NDUFB9: variants seen among roughly 807,000 people sequenced by gnomAD.
NDUFB9 encodes NADH:ubiquinone oxidoreductase subunit B9, also known as NADH dehydrogenase [ubiquinone] 1 beta subcomplex subunit 9.
A neutral mutation model predicts 30.2 loss-of-function variants in NDUFB9; 24 were observed. The ratio of observed to expected loss-of-function variants is 0.80; its 90% CI spans 0.58 to 1.12. NDUFB9 has a LOEUF of 1.12. Ranked by LOEUF, NDUFB9 falls within the 50% of genes most tolerant of loss-of-function variation. The pLI, the probability that NDUFB9 is intolerant of heterozygous loss-of-function variation, is 0.00. For synonymous variants in NDUFB9, 80 were observed against 84.0 expected, an observed-to-expected ratio of 0.95 and a Z score of 0.26; for missense variants, 204 against 226.0, an observed-to-expected ratio of 0.90 and a Z score of 0.62.
chr8:124,549,210 A>T (rs1010363958), intron 3 of NDUFB9, among the ~76,000 whole-genome samples: 2 of 152,252 alleles, frequency 1.3e-5, no homozygotes, highest in Non-Finnish European at 2.9e-5. Context: ...TATCTTGGCC[A>T]TAACTAGAAC....
rs1458680483 is a variant in NDUFB9, at chr8:124,539,215, T to G, written c.29T>G (p.Leu10Arg). 3 of 1,614,110 alleles carry G rather than the reference T, an allele frequency of 1.9e-6. No homozygotes were observed. The highest frequency in any genetic ancestry group is 2.5e-6 in the Non-Finnish European group (3 of 1,180,038). ...GCGTTCTTGGCGTCGGGACCCTACC[T>G]GACCCATCAGCAAAAGGTGTTGCGG... MAFLASGPY[L>R]THQQKVLRLY... Residue 10 changes from leucine to arginine, a missense_variant, in exon 1 of 4, where the codon CTG becomes CGG. Transcript: ENST00000276689.
intron 1 of NDUFB9, among the ~76,000 whole-genome samples, chr8:124,541,168 A>T (rs1821969329): frequency 6.6e-6 from 1 of 152,130 alleles, no homozygotes; most frequent in Admixed American, 6.5e-5. Flanking sequence ...CTTTGTCTCA[A>T]AAAATAATAA....
intron 1 of NDUFB9, among the ~76,000 whole-genome samples, chr8:124,541,115 G>A (rs578221622): frequency 3.9e-5 from 6 of 152,096 alleles, no homozygotes; most frequent in Non-Finnish European, 7.3e-5. Flanking sequence ...GCAGTGAGCC[G>A]AGATAGCCCC....
At chr8:124,547,561 G>A (rs1335648139) in intron 3 of NDUFB9, 1 of 374,790 alleles carries the variant, frequency 2.7e-6, no homozygotes, top group East Asian at 5.6e-5. Context: ...TAGTCAAAAG[G>A]TTGTCATGAC....
In NDUFB9 at chr8:124,549,824, C is replaced by T. The variant is rs148402231; in HGVS notation, c.472C>T (p.Arg158Ter). 25 of 1,614,002 alleles carry T rather than the reference C, an allele frequency of 1.5e-5. No homozygotes were observed. Among genetic ancestry groups the T allele is most frequent in the South Asian group, 2.2e-5 (2 of 91,082 alleles). Residue 158 changes from arginine (R) to a stop codon, truncating the protein, a stop_gained, in exon 4 of 4, where the codon CGA becomes TGA. Transcript: ENST00000276689. LOFTEE classifies it high-confidence loss of function. Reference sequence around the variant, plus strand: ...TTTAACTGAAGCTTTGCCCCCTGCCCGAAAGGAAGGTGATTTGCCCCCACT... The same window carrying T: ...TTTAACTGAAGCTTTGCCCCCTGCCTGAAAGGAAGGTGATTTGCCCCCACT... The part of the protein sequence containing the change: ...GPLTEALPPA[R>*]KEGDLPPLWW...
chr8:124,549,814 G>A lies in NDUFB9; in HGVS notation c.462G>A (p.Leu154=), dbSNP rs770730468. 571 of 1,613,990 alleles carry A rather than the reference G, an allele frequency of 3.5e-4. 3 individuals are homozygous for A. Among genetic ancestry groups the A allele is most frequent in the Non-Finnish European group, 3.1e-5 (36 of 1,180,010 alleles). The change falls in exon 4 of 4, where the codon TTG becomes TTA. Residue 154 remains leucine (L), a synonymous_variant. Transcript: ENST00000276689. ...TPPGGPLTEA[L]PPARKEGDLP... is the part of the protein sequence containing the mutation. ...CTGGTGGTCCTTTAACTGAAGCTTT[G>A]CCCCCTGCCCGAAAGGAAGGTGATT... is the stretch of plus-strand genomic sequence containing the variant.
At chr8:124,549,393 A>G (rs768751166) in intron 3 of NDUFB9, among the ~76,000 whole-genome samples, 1 of 152,230 alleles carries the variant, frequency 6.6e-6, no homozygotes, top group Non-Finnish European at 1.5e-5. Flanking sequence ...AGACACAACA[A>G]TAAATGTTTT....
chr8:124,549,818 C>G lies in NDUFB9; in HGVS notation c.466C>G (p.Pro156Ala). ...PGGPLTEALP[P>A]ARKEGDLPPL... ...TGGTCCTTTAACTGAAGCTTTGCCC[C>G]CTGCCCGAAAGGAAGGTGATTTGCC... The change falls in exon 4 of 4, where the codon CCT becomes GCT. Residue 156 changes from proline to alanine, a missense_variant. Physicochemically the swap from Pro to Ala is conservative, Grantham distance 27 (BLOSUM62 -1). Coordinates refer to ENST00000276689, the MANE Select transcript of NDUFB9 (RefSeq NM_005005.3). 3.7e-6 allele frequency: 6 copies of G among 1,614,142 alleles called. No individual in the cohort carries two copies. The highest frequency in any genetic ancestry group is 5.1e-6 in the Non-Finnish European group (6 of 1,180,026).
intron 1 of NDUFB9, among the ~76,000 whole-genome samples, chr8:124,541,496 C>T (rs114747959): frequency 0.011 from 1,653 of 152,316 alleles, 41 homozygotes; most frequent in African/African-American, 0.038. Flanking sequence ...GTACCAGGCA[C>T]TTTTTAAAGT....
At position 124,549,855 on chromosome 8, in the gene NDUFB9, G is replaced by T; in HGVS notation, c.503G>T (p.Trp168Leu). 6.2e-7 allele frequency: 1 copy of T among 1,614,190 alleles called. No homozygotes were observed. The change falls in exon 4 of 4, where the codon TGG becomes TTG. Residue 168 changes from tryptophan (W) to leucine (L), a missense_variant. Physicochemically the swap from Trp to Leu is moderately conservative, Grantham distance 61. Coordinates refer to ENST00000276689, the MANE Select transcript of NDUFB9 (RefSeq NM_005005.3). The stretch of plus-strand genomic sequence containing the variant: ...GAAGGTGATTTGCCCCCACTGTGGT[G>T]GTATATTGTGACCAGACCCCGGGAG... ...RKEGDLPPLW[W>L]YIVTRPRERP... is the part of the protein sequence containing the mutation.
At chr8:124,546,924 C>T in intron 2 of NDUFB9, 76 bp from the exon 3 acceptor site, 1 of 969,076 alleles carries the variant, frequency 1.0e-6, no homozygotes, top group Non-Finnish European at 1.7e-6. Context: ...CTTTGTCTTA[C>T]ATCTCCTGAG....
At chr8:124,541,659 AGTG>A (rs1821994620) in intron 1 of NDUFB9, among the ~76,000 whole-genome samples, 2 of 152,216 alleles carry the variant, frequency 1.3e-5, no homozygotes, top group African/African-American at 4.8e-5. Context: ...GCTGGAGTGC[AGTG>A]GCGCGATCTT....
At chr8:124,539,433 G>A (rs980649926) in intron 1 of NDUFB9, 146 bp downstream of exon 1, 2 of 736,718 alleles carry the variant, frequency 2.7e-6, no homozygotes, top group South Asian at 1.6e-5. Flanking sequence ...TGGTAGACCC[G>A]GGTTCAAATC....
At chr8:124,547,571 C>T in intron 3 of NDUFB9, 1 of 343,034 alleles carries the variant, frequency 2.9e-6, no homozygotes, top group Non-Finnish European at 5.4e-6. Flanking sequence ...GTTGTCATGA[C>T]TAACACTAGG....
At chr8:124,541,923 T>G (rs1440964682) in intron 1 of NDUFB9, among the ~76,000 whole-genome samples, 1 of 140,374 alleles carries the variant, frequency 7.1e-6, no homozygotes, top group South Asian at 2.3e-4. Flanking sequence ...GTTGTTGTTG[T>G]TTTTTTTTGA....
At chr8:124,546,124 G>A (rs1459218115) in intron 2 of NDUFB9, among the ~76,000 whole-genome samples, 1 of 152,230 alleles carries the variant, frequency 6.6e-6, no homozygotes, top group East Asian at 1.9e-4. Context: ...TTACAGGCGT[G>A]AGCCACTGCA....
intron 1 of NDUFB9, among the ~76,000 whole-genome samples, chr8:124,541,715 T>C (rs1357854164): frequency 6.6e-6 from 1 of 152,138 alleles, no homozygotes; most frequent in African/African-American, 2.4e-5. Flanking sequence ...GCAATTCTCC[T>C]GCCTCAGTCT....
chr8:124,549,056 G>T (rs559680661), intron 3 of NDUFB9, among the ~76,000 whole-genome samples: 2 of 152,336 alleles, frequency 1.3e-5, no homozygotes, highest in African/African-American at 2.4e-5. Flanking sequence ...TGAGCCGCAG[G>T]TGCATTCTGC....
chr8:124,545,332 A>G (rs959472203), intron 2 of NDUFB9, among the ~76,000 whole-genome samples: 5 of 152,160 alleles, frequency 3.3e-5, no homozygotes, highest in Non-Finnish European at 7.4e-5. Flanking sequence ...ATGCTATAGA[A>G]GTGTTTGGTG....
Sources: allele counts gnomAD v4.1 joint callset (sites outside exome capture counted in the v4.1 genomes callset), GRCh38; gene constraint gnomAD v4.1.1; transcripts MANE v1.5; gene names NCBI Gene and HGNC (gene_info 2026-07-23, HGNC 2026-07-21).